The following ANKRD11 variants were observed in gnomAD, a reference collection of about 807,000 sequenced individuals.
ANKRD11 encodes ankyrin repeat domain 11, also known as ankyrin repeat domain-containing protein 11.
In ANKRD11, 17 loss-of-function variants were observed where a neutral mutation model predicts 195.7. The ratio of observed to expected loss-of-function variants is 0.09; its 90% CI spans 0.06 to 0.13. The LOEUF is 0.13. ANKRD11 is among the 10% of genes least tolerant of loss of function. ANKRD11 has a pLI of 1.00. For missense variants in ANKRD11, 3,735 were observed against 3,566.1 expected, an observed-to-expected ratio of 1.05 and a Z score of -1.21; for synonymous variants, 1,953 against 1,528.1, an observed-to-expected ratio of 1.28 and a Z score of -6.49.
intron 1 of ANKRD11, among the ~76,000 whole-genome samples, chr16:89,442,812 C>G (rs1413330724): frequency 6.6e-6 from 1 of 152,210 alleles, no homozygotes; most frequent in African/African-American, 2.4e-5. Flanking sequence ...AACCCCATCA[C>G]GGCCTGGTGA....
At chr16:89,444,135 T>G (rs1453960433) in intron 1 of ANKRD11, among the ~76,000 whole-genome samples, 2 of 152,156 alleles carry the variant, frequency 1.3e-5, no homozygotes, top group Non-Finnish European at 2.9e-5. Flanking sequence ...AGTATTTTTT[T>G]TGTGTTCCTG....
intron 2 of ANKRD11, among the ~76,000 whole-genome samples, chr16:89,378,873 T>G (rs557114345): frequency 2.3e-5 from 3 of 128,084 alleles, no homozygotes; most frequent in Admixed American, 7.9e-5. Flanking sequence ...TGGGGCGAGG[T>G]GGGGAAGGGC....
chr16:89,308,999 A>G (rs1490602106), intron 3 of ANKRD11, among the ~76,000 whole-genome samples: 1 of 152,238 alleles, frequency 6.6e-6, no homozygotes, highest in African/African-American at 2.4e-5. Flanking sequence ...CTCTGGAATA[A>G]GACTGGGCTC....
At position 89,280,191 on chromosome 16, in the gene ANKRD11, C is replaced by T. The variant is rs530297159; in HGVS notation, c.6351G>A (p.Pro2117=). 30 of 1,608,454 alleles carry T rather than the reference C, an allele frequency of 1.9e-5. No individual in the cohort carries two copies. The highest frequency in any genetic ancestry group is 6.7e-5 in the Admixed American group (4 of 59,824). ...RGLSHLGQVE[P]VPWADAFAGP... ...CGGCGAAGGCGTCCGCCCAGGGCAC[C>T]GGCTCCACCTGGCCGAGGTGAGACA... The change falls in exon 9 of 13, where the codon CCG becomes CCA. Residue 2117 remains proline (P), a synonymous_variant. Transcript: ENST00000301030.
intron 2 of ANKRD11, among the ~76,000 whole-genome samples, chr16:89,410,471 C>T (rs556346154): frequency 6.6e-6 from 1 of 152,220 alleles, no homozygotes; most frequent in Admixed American, 6.5e-5. Context: ...GACTAAGACA[C>T]CCTGCAGAGC....
chr16:89,324,523 G>C (rs1203930938), intron 2 of ANKRD11: 1 of 456,068 alleles, frequency 2.2e-6, no homozygotes, highest in Non-Finnish European at 4.4e-6. Context: ...GCTGCCAAAG[G>C]AGATTCACAT....
Position 89,280,430 on chromosome 16 carries a change from T to C in ANKRD11, c.6112A>G (p.Lys2038Glu), listed in dbSNP as rs200724087. 8.3e-4 allele frequency: 1,306 copies of C among 1,579,448 alleles called. 3 individuals carry two copies. The highest frequency in any genetic ancestry group is 2.2e-3 in the South Asian group (192 of 87,292). The change falls in exon 9 of 13, where the codon AAG becomes GAG. Residue 2038 changes from lysine (K) to glutamate (E), a missense_variant. Coordinates refer to ENST00000301030, the MANE Select transcript of ANKRD11 (RefSeq NM_013275.6). ...PVAEPGLEDV[K>E]DGVDAVPAAI... ...GCGGGGACGGCGTCCACTCCGTCCT[T>C]GACGTCCTCCAGCCCCGGCTCAGCG...
chr16:89,342,031 TGC>T (rs2038707688), intron 2 of ANKRD11, among the ~76,000 whole-genome samples: 501 of 31,224 alleles, frequency 0.016, 5 homozygotes, highest in African/African-American at 0.044. Context: ...GCACCTCCAC[TGC>T]CCACAGCGGC....
rs539060810 is a variant in ANKRD11 at position 89,319,255 on chromosome 16, G to C, written c.-59-2177C>G. Among the ~76,000 whole-genome samples the C allele has an allele frequency of 1.2e-4, 19 of 152,342 alleles. No homozygotes were observed. In the East Asian group the frequency reaches 3.7e-3, roughly 29 times the overall value. On this transcript the variant is annotated intron_variant, in intron 2 of 12. Coordinates refer to ENST00000301030, the MANE Select transcript of ANKRD11 (RefSeq NM_013275.6). ...TCCGGACGGTGTCTGGGCCCCGACA[G>C]TGCGGGGCTTATCACTTCACTCCTG...
chr16:89,309,225 C>T (rs1370534249), intron 3 of ANKRD11, among the ~76,000 whole-genome samples: 1 of 152,186 alleles, frequency 6.6e-6, no homozygotes. Flanking sequence ...CCCACAAATG[C>T]TGGGCATGGC....
At chr16:89,276,095 G>A (rs916966917) in intron 9 of ANKRD11, among the ~76,000 whole-genome samples, 1 of 152,224 alleles carries the variant, frequency 6.6e-6, no homozygotes, top group Non-Finnish European at 1.5e-5. Context: ...ACATCGAGGG[G>A]CCAGTCAGCA....
chr16:89,425,121 T>C (rs1393342045), intron 1 of ANKRD11, among the ~76,000 whole-genome samples: 1 of 151,974 alleles, frequency 6.6e-6, no homozygotes, highest in African/African-American at 2.4e-5. Flanking sequence ...GAGTCCAATA[T>C]TGACAATTTC....
chr16:89,454,424 G>A (rs932622423), intron 1 of ANKRD11, among the ~76,000 whole-genome samples: 4 of 152,102 alleles, frequency 2.6e-5, no homozygotes, highest in Admixed American at 6.5e-5. Flanking sequence ...CCTAAGAAAA[G>A]GCAACTTTCT....
At chr16:89,412,732 T>C (rs1158461393) in intron 2 of ANKRD11, among the ~76,000 whole-genome samples, 2 of 152,216 alleles carry the variant, frequency 1.3e-5, no homozygotes, top group Non-Finnish European at 2.9e-5. Flanking sequence ...TTAAGCCAGC[T>C]GTAAAAAATG....
At chr16:89,427,972 C>T (rs186715359) in intron 1 of ANKRD11, among the ~76,000 whole-genome samples, 6 of 152,022 alleles carry the variant, frequency 3.9e-5, no homozygotes, top group Non-Finnish European at 7.4e-5. Flanking sequence ...CTTTGGGAGG[C>T]CAAGGCAGAT....
chr16:89,421,888 AAAC>A (rs760874156), intron 1 of ANKRD11, among the ~76,000 whole-genome samples: 13 of 152,338 alleles, frequency 8.5e-5, no homozygotes, highest in South Asian at 2.1e-4. Flanking sequence ...AATCCAGTTA[AAAC>A]AACAGGGAGT....
Position 89,452,779 on chromosome 16 carries a change from CAAAAAAA to C in ANKRD11, c.-144-34418_-144-34412del, listed in dbSNP as rs11401095. ...TAGGCAACAGAGAGAGACTCTATCTCAAAAAAAAAAAAAAAAAAAAAAGAATACTTTG... is the reference window on the plus strand; with the variant it reads ...TAGGCAACAGAGAGAGACTCTATCTCAAAAAAAAAAAAAAAGAATACTTTG... On this transcript the variant is annotated intron_variant, in intron 1 of 12. Transcript: ENST00000301030. Among the ~76,000 whole-genome samples the C allele has an allele frequency of 2.9e-4, 21 of 73,488 alleles. No individual in the cohort carries two copies. In the South Asian group the frequency reaches 8.6e-3, roughly 30 times the overall value. 48.2% of individuals were successfully genotyped at this position (73,488 alleles called of 152,430 possible). A position where few individuals can be genotyped will look rare whatever the true frequency, so the allele number is the denominator to read the frequency against.
chr16:89,314,109 A>G (rs562127659), intron 3 of ANKRD11, among the ~76,000 whole-genome samples: 1 of 152,272 alleles, frequency 6.6e-6, no homozygotes, highest in Non-Finnish European at 1.5e-5. Context: ...CTGTGGTCCC[A>G]GCTGCAAGGG....
At chr16:89,466,356 A>G (rs1567844625) in intron 1 of ANKRD11, among the ~76,000 whole-genome samples, 1 of 152,232 alleles carries the variant, frequency 6.6e-6, no homozygotes, top group Non-Finnish European at 1.5e-5. Flanking sequence ...GAAGGGGGAC[A>G]AGGACTGATG....
Sources: gnomAD v4.1 joint callset for allele counts (sites outside exome capture counted in the v4.1 genomes callset) on GRCh38, gnomAD v4.1.1 for gene constraint, MANE v1.5 for transcripts, NCBI Gene and HGNC (gene_info 2026-07-23, HGNC 2026-07-21) for gene names.